The following FTCDNL1 variants were observed in gnomAD, a reference collection of about 807,000 sequenced individuals.
The protein encoded by FTCDNL1 is formiminotransferase cyclodeaminase N-terminal like, also known as formiminotransferase N-terminal subdomain-containing protein.
In FTCDNL1, 11 loss-of-function variants were observed where a neutral mutation model predicts 5.9. That is an observed-to-expected ratio of 1.87 (90% CI 1.18 to 3.10). FTCDNL1 has a LOEUF of 3.10. Ranked by LOEUF, FTCDNL1 falls within the 30% of genes most tolerant of loss-of-function variation. The probability of loss-of-function intolerance (pLI) is 0.00; values close to 1 mark genes in which losing one functional copy is unlikely to be tolerated. For synonymous variants in FTCDNL1, 58 were observed against 24.8 expected (o/e 2.34, Z -3.99); for missense variants, 115 against 65.5 (o/e 1.76, Z -2.61).
Position 199,769,131 on chromosome 2 carries a change from C to G in FTCDNL1, c.212-8296G>C, listed in dbSNP as rs143371440. Among the ~76,000 whole-genome samples, 6 of 152,288 alleles carry G rather than the reference C, an allele frequency of 3.9e-5. No individual in the cohort carries two copies. The East Asian group carries it at 9.6e-4, about 24-fold the overall frequency. ...TGTATCTCTGTGAGCATTCACATCT[C>G]CTGCTCTGCTGAGTTCTTCCATTTG... is the stretch of plus-strand genomic sequence containing the variant. On this transcript the variant is annotated intron_variant, in intron 3 of 3. Transcript: ENST00000416668.
intron 3 of FTCDNL1, among the ~76,000 whole-genome samples, chr2:199,770,917 G>C (rs772706601): frequency 6.6e-6 from 1 of 152,196 alleles, no homozygotes; most frequent in South Asian, 2.1e-4. Context: ...GCACAGAGCC[G>C]TAAGCTCTTA....
chr2:199,714,783 C>T, the FTCDNL1 span, among the ~76,000 whole-genome samples: 5 of 152,014 alleles, frequency 3.3e-5, no homozygotes, highest in East Asian at 1.9e-4. Flanking sequence ...TGTACAGGGA[C>T]GGCAGAGGAG....
intron 3 of FTCDNL1, among the ~76,000 whole-genome samples, chr2:199,834,004 A>G (rs1398551068): frequency 6.6e-6 from 1 of 152,222 alleles, no homozygotes; most frequent in Non-Finnish European, 1.5e-5. Context: ...GCGTTCTCCA[A>G]AAATGCATAT....
chr2:199,718,158 C>T, the FTCDNL1 span, among the ~76,000 whole-genome samples: 1 of 152,024 alleles, frequency 6.6e-6, no homozygotes, highest in East Asian at 1.9e-4. Flanking sequence ...CTAGTGTGCC[C>T]ATTGCCCAAA....
At chr2:199,758,954 A>G (rs1698165459), downstream of FTCDNL1, among the ~76,000 whole-genome samples, 1 of 152,222 alleles carries the variant, frequency 6.6e-6, no homozygotes. Flanking sequence ...CCTAGAGTTT[A>G]AAAGAATGGG....
the FTCDNL1 span, among the ~76,000 whole-genome samples, chr2:199,689,075 T>C: frequency 1.3e-5 from 2 of 152,180 alleles, no homozygotes; most frequent in African/African-American, 2.4e-5. Flanking sequence ...ATATAAATGT[T>C]CAACAATTGT....
chr2:199,750,355 CTAAATAAATAAATAAA>C, the FTCDNL1 span, among the ~76,000 whole-genome samples: 4 of 148,738 alleles, frequency 2.7e-5, no homozygotes, highest in East Asian at 4.0e-4. Flanking sequence ...GAAATGTTGT[CTAAATAAATAAATAAA>C]TAAATAAATA....
chr2:199,732,837 T>G, the FTCDNL1 span, among the ~76,000 whole-genome samples: 2 of 152,228 alleles, frequency 1.3e-5, no homozygotes, highest in Non-Finnish European at 2.9e-5. Context: ...CAATTAACTC[T>G]CTCCATACTA....
intron 3 of FTCDNL1, among the ~76,000 whole-genome samples, chr2:199,776,014 C>A: frequency 6.6e-6 from 1 of 151,248 alleles, no homozygotes; most frequent in Non-Finnish European, 1.5e-5. Flanking sequence ...CCCAGGTTCA[C>A]GCCATTCTCC....
the FTCDNL1 span, among the ~76,000 whole-genome samples, chr2:199,699,203 A>T: frequency 6.6e-6 from 1 of 152,182 alleles, no homozygotes; most frequent in Non-Finnish European, 1.5e-5. Flanking sequence ...GTGGTGGCTC[A>T]CACCTATAAT....
chr2:199,807,295 A>T (rs1040592695), downstream of FTCDNL1, among the ~76,000 whole-genome samples: 1 of 152,238 alleles, frequency 6.6e-6, no homozygotes, highest in African/African-American at 2.4e-5. Context: ...AAGAAAAGAC[A>T]AATTCAAATA....
chr2:199,737,471 A>T, the FTCDNL1 span, among the ~76,000 whole-genome samples: 1 of 152,194 alleles, frequency 6.6e-6, no homozygotes, highest in East Asian at 1.9e-4. Flanking sequence ...TTATTTTTCC[A>T]GAGTTCTCCA....
rs1167838820 is a variant in FTCDNL1, at chr2:199,765,551, TA to T, written c.212-4717del. 9.2e-3 allele frequency among the ~76,000 whole-genome samples: 856 copies of T among 93,514 alleles called. 22 individuals are homozygous for T. The highest frequency in any genetic ancestry group is 0.022 in the African/African-American group (578 of 26,324). The allele number at this position is 93,514 out of a possible 152,430, so 61.3% of individuals were successfully genotyped here. A position where few individuals can be genotyped will look rare whatever the true frequency, so the allele number is the denominator to read the frequency against. On this transcript the variant is annotated intron_variant, in intron 3 of 3. Coordinates refer to the FTCDNL1 transcript ENST00000416668. ...TCTTCATTATATATATATATATATA[TA>T]TATATTTTTTTTTTTTTTTTTGGAG...
chr2:199,817,107 T>C (rs4672562), intron 4 of FTCDNL1, among the ~76,000 whole-genome samples: 13,697 of 152,222 alleles, frequency 0.09, 1,409 homozygotes, highest in East Asian at 0.27. Context: ...TACATAAACA[T>C]ACCCAAATAG....
At chr2:199,728,065 C>T in the FTCDNL1 span, among the ~76,000 whole-genome samples, 5 of 152,110 alleles carry the variant, frequency 3.3e-5, no homozygotes, top group Admixed American at 1.3e-4. Context: ...TCTTATTAAC[C>T]GATTTAAACT....
intron 3 of FTCDNL1, among the ~76,000 whole-genome samples, chr2:199,788,671 GAATT>G (rs1454077564): frequency 1.3e-5 from 2 of 151,658 alleles, no homozygotes; most frequent in Non-Finnish European, 1.5e-5. Flanking sequence ...AAACTAGGAA[GAATT>G]AATAATAATA....
chr2:199,804,291 G>A (rs1044429363), downstream of FTCDNL1, among the ~76,000 whole-genome samples: 1 of 152,160 alleles, frequency 6.6e-6, no homozygotes, highest in African/African-American at 2.4e-5. Flanking sequence ...AGTTGATAGC[G>A]TGGTACCCAG....
the FTCDNL1 span, among the ~76,000 whole-genome samples, chr2:199,742,965 T>C: frequency 1.3e-5 from 2 of 152,176 alleles, no homozygotes; most frequent in African/African-American, 4.8e-5. Flanking sequence ...AAGCGAGCAT[T>C]ATAAAGAAGA....
the FTCDNL1 span, among the ~76,000 whole-genome samples, chr2:199,719,964 A>C: frequency 2.6e-5 from 4 of 152,140 alleles, no homozygotes; most frequent in African/African-American, 9.7e-5. Context: ...TTCTCCTTGT[A>C]GAGATTTTTC....
Sources: allele counts gnomAD v4.1 joint callset (sites outside exome capture counted in the v4.1 genomes callset), GRCh38; gene constraint gnomAD v4.1.1; transcripts MANE v1.5; gene names NCBI Gene and HGNC (gene_info 2026-07-23, HGNC 2026-07-21).